ESRRG: variants seen among roughly 807,000 people sequenced by gnomAD.
ESRRG encodes estrogen-related receptor gamma.
A neutral mutation model predicts 44.0 loss-of-function variants in ESRRG; 13 were observed. That is an observed-to-expected ratio of 0.30 (90% CI 0.19 to 0.47). The LOEUF (loss-of-function observed/expected upper bound fraction) is 0.47, where lower values mean the gene tolerates loss of function less well. ESRRG is among the 20% of genes least tolerant of loss of function. ESRRG has a pLI of 1.00. For synonymous variants in ESRRG, 215 were observed against 214.6 expected (o/e 1.00, Z -0.02); for missense variants, 395 against 580.6 (o/e 0.68, Z 3.29).
At chr1:217,008,750 C>A (rs1249971207) in intron 1 of ESRRG, among the ~76,000 whole-genome samples, 1 of 152,168 alleles carries the variant, frequency 6.6e-6, no homozygotes, top group Non-Finnish European at 1.5e-5. Flanking sequence ...TAAGTCCACA[C>A]CTGCAGGGTT....
chr1:216,737,995 C>CTTTTT (rs144453643), intron 2 of ESRRG, among the ~76,000 whole-genome samples: 1 of 119,640 alleles, frequency 8.4e-6, no homozygotes, highest in Non-Finnish European at 1.7e-5. Flanking sequence ...TGAGACATCA[C>CTTTTT]TTTTTTTTTT....
chr1:217,069,174 G>T (rs948764399), intron 1 of ESRRG, among the ~76,000 whole-genome samples: 3 of 152,068 alleles, frequency 2.0e-5, no homozygotes, highest in African/African-American at 4.8e-5. Flanking sequence ...TATAAAGAAG[G>T]CAGAAAAACA....
chr1:216,664,000 G>C (rs1406581680), intron 2 of ESRRG, among the ~76,000 whole-genome samples: 1 of 152,052 alleles, frequency 6.6e-6, no homozygotes, highest in Admixed American at 6.6e-5. Flanking sequence ...GAATTGCAAA[G>C]CGTTTAGGTA....
intron 2 of ESRRG, among the ~76,000 whole-genome samples, chr1:216,749,132 T>C (rs557301561): frequency 7.8e-6 from 1 of 128,064 alleles, no homozygotes; most frequent in South Asian, 3.1e-4. Context: ...ACTTGCACAG[T>C]TAAGGTGTCT....
At chr1:216,801,219 T>C (rs984372544) in intron 2 of ESRRG, among the ~76,000 whole-genome samples, 2 of 152,200 alleles carry the variant, frequency 1.3e-5, no homozygotes, top group African/African-American at 4.8e-5. Context: ...CCAACATATC[T>C]GCTATTTCAG....
At chr1:217,095,355 A>G (rs2092407353) in intron 1 of ESRRG, among the ~76,000 whole-genome samples, 1 of 152,244 alleles carries the variant, frequency 6.6e-6, no homozygotes, top group Non-Finnish European at 1.5e-5. Flanking sequence ...AAAGATTTGA[A>G]TATTGATTTA....
At chr1:216,947,857 C>T (rs1468168956) in intron 1 of ESRRG, among the ~76,000 whole-genome samples, 2 of 152,132 alleles carry the variant, frequency 1.3e-5, no homozygotes, top group Admixed American at 6.5e-5. Context: ...GATGAGTTTT[C>T]CTCCATGGAA....
At chr1:216,715,017 A>T (rs1041241909) in intron 1 of ESRRG, 5 of 912,830 alleles carry the variant, frequency 5.5e-6, no homozygotes, top group Non-Finnish European at 6.5e-6. Flanking sequence ...TTTGTTCCTC[A>T]CCTCCCTTTG....
At chr1:217,016,025 G>A (rs941316515) in intron 1 of ESRRG, among the ~76,000 whole-genome samples, 2 of 152,048 alleles carry the variant, frequency 1.3e-5, no homozygotes, top group East Asian at 1.9e-4. Context: ...AGTTTGTGTC[G>A]ATCTTACCTT....
chr1:217,072,858 C>G (rs2090739941), intron 1 of ESRRG, among the ~76,000 whole-genome samples: 1 of 152,102 alleles, frequency 6.6e-6, no homozygotes, highest in South Asian at 2.1e-4. Flanking sequence ...ACTTATTTAT[C>G]TATTAAAATG....
intron 2 of ESRRG, among the ~76,000 whole-genome samples, chr1:216,905,586 T>C (rs2059597563): frequency 6.6e-6 from 1 of 152,164 alleles, no homozygotes; most frequent in South Asian, 2.1e-4. Flanking sequence ...ACACCTCCAC[T>C]AGACATTGAG....
intron 1 of ESRRG, among the ~76,000 whole-genome samples, chr1:217,111,905 A>T (rs1308477679): frequency 1.3e-5 from 2 of 152,170 alleles, no homozygotes; most frequent in African/African-American, 4.8e-5. Flanking sequence ...GCTCACTCTT[A>T]AGAAACATTG....
intron 1 of ESRRG, among the ~76,000 whole-genome samples, chr1:216,974,945 T>C (rs916473983): frequency 1.3e-5 from 2 of 152,126 alleles, no homozygotes; most frequent in African/African-American, 4.8e-5. Flanking sequence ...AAGTAATTTA[T>C]AAATATTTTT....
intron 2 of ESRRG, among the ~76,000 whole-genome samples, chr1:216,856,975 A>G (rs1280705782): frequency 2.0e-5 from 3 of 152,152 alleles, no homozygotes; most frequent in Non-Finnish European, 4.4e-5. Flanking sequence ...AAATGATACA[A>G]TAAGTAGAAG....
In ESRRG at chr1:217,038,147, C is replaced by T. The variant is rs138425765; in HGVS notation, c.-106+51360G>A. Among the ~76,000 whole-genome samples, 1,000 of 152,266 alleles carry T rather than the reference C, an allele frequency of 6.6e-3. 8 individuals carry two copies. Among genetic ancestry groups the T allele is most frequent in the African/African-American group, 0.023 (964 of 41,572 alleles). ...GCCTGGAGGATGGTGGCCCTCTTCT[C>T]ACCGCTCCACTAGGCAGTGCCCCAG... On this transcript the variant is annotated intron_variant, in intron 1 of 7. Transcript: ENST00000359162.
At chr1:216,675,733 C>A (rs2151469810) in intron 2 of ESRRG, among the ~76,000 whole-genome samples, 1 of 152,150 alleles carries the variant, frequency 6.6e-6, no homozygotes, top group South Asian at 2.1e-4. Flanking sequence ...TGGGAACTTG[C>A]ATTTCTTACA....
intron 3 of ESRRG, among the ~76,000 whole-genome samples, chr1:216,617,414 C>T (rs1041819550): frequency 8.6e-5 from 13 of 151,592 alleles, no homozygotes; most frequent in African/African-American, 2.9e-4. Context: ...GCAGCAGCAA[C>T]GCAGTATCAT....
intron 2 of ESRRG, among the ~76,000 whole-genome samples, chr1:216,929,732 A>G (rs1238636495): frequency 6.6e-6 from 1 of 152,200 alleles, no homozygotes; most frequent in African/African-American, 2.4e-5. Flanking sequence ...CAGGGGGCCT[A>G]GGAGATGGCA....
At chr1:217,024,407 A>G (rs1292893704) in intron 1 of ESRRG, among the ~76,000 whole-genome samples, 1 of 151,788 alleles carries the variant, frequency 6.6e-6, no homozygotes, top group Non-Finnish European at 1.5e-5. Context: ...TAGGACAGGT[A>G]GGTAGTTTGT....
Sources: gnomAD v4.1 joint callset for allele counts (sites outside exome capture counted in the v4.1 genomes callset) on GRCh38, gnomAD v4.1.1 for gene constraint, MANE v1.5 for transcripts, NCBI Gene and HGNC (gene_info 2026-07-23, HGNC 2026-07-21) for gene names.